The following ARHGEF17 variants were observed in gnomAD, a reference collection of about 807,000 sequenced individuals.
ARHGEF17 encodes the protein Rho guanine nucleotide exchange factor 17, also known as 164 kDa Rho-specific guanine-nucleotide exchange factor.
In ARHGEF17, 80 loss-of-function variants were observed where a neutral mutation model predicts 174.0. The ratio of observed to expected loss-of-function variants is 0.46; its 90% CI spans 0.38 to 0.55. ARHGEF17 has a LOEUF of 0.55. Among genes scored for constraint, ARHGEF17 ranks in the 20% least tolerant of loss-of-function variants. The pLI is 0.00. For synonymous variants in ARHGEF17, 1,311 were observed against 1,189.1 expected, an observed-to-expected ratio of 1.10 and a Z score of -2.11; for missense variants, 2,886 against 2,839.7, an observed-to-expected ratio of 1.02 and a Z score of -0.37.
intron 1 of ARHGEF17, among the ~76,000 whole-genome samples, chr11:73,342,194 G>A (rs1022011734): frequency 6.6e-6 from 1 of 151,376 alleles, no homozygotes; most frequent in South Asian, 2.1e-4. Flanking sequence ...CAGTCTAGGA[G>A]TGGGAGCACA....
At chr11:73,333,331 G>A (rs1301612577) in intron 1 of ARHGEF17, among the ~76,000 whole-genome samples, 1 of 152,250 alleles carries the variant, frequency 6.6e-6, no homozygotes, top group Non-Finnish European at 1.5e-5. Context: ...CTGACCTTCA[G>A]CTGTGAATCT....
At position 73,309,935 on chromosome 11, in the gene ARHGEF17, C is replaced by G. The variant is rs1565183569; in HGVS notation, c.1297C>G (p.Arg433Gly). ...GGAAGGGCTCCTGCGGTCCCAGGCT[C>G]GAACCCGTGCCAAAGGACCTGGAGG... The part of the protein sequence containing the change: ...AGEGLLRSQA[R>G]TRAKGPGGTS... The change falls in exon 1 of 21, where the codon CGA becomes GGA. Residue 433 changes from arginine to glycine, a missense_variant. Physicochemically the swap from Arg to Gly is moderately radical, Grantham distance 125. Transcript: ENST00000263674. 6.2e-7 allele frequency: 1 copy of G among 1,613,542 alleles called. No homozygotes were observed. The highest frequency in any genetic ancestry group is 8.5e-7 in the Non-Finnish European group (1 of 1,179,882).
chr11:73,360,213 C>T (rs1305504502), intron 10 of ARHGEF17, 107 bp from the exon 11 acceptor site: 2 of 1,271,480 alleles, frequency 1.6e-6, no homozygotes, highest in Non-Finnish European at 2.2e-6. Context: ...AGGGAGGAGA[C>T]AGTCTCACTT....
rs577835041 is a variant in ARHGEF17 at position 73,310,146 on chromosome 11, A to T, written c.1508A>T (p.Asp503Val). The change falls in exon 1 of 21, where the codon GAT (aspartate) becomes GTT (valine). Residue 503 changes from aspartate to valine, a missense_variant. Transcript: ENST00000263674. ...SSGDRGSNPLDGRDSPSAGGP... is the reference protein window; with the variant it reads ...SSGDRGSNPLVGRDSPSAGGP... ...GGGGACCGTGGAAGCAACCCCCTAG[A>T]TGGCAGAGACTCACCATCCGCAGGT... The T allele has an allele frequency of 2.5e-6, 4 of 1,613,968 alleles. No individual in the cohort carries two copies. The East Asian group carries it at 8.9e-5, about 36-fold the overall frequency.
chr11:73,318,516 G>A (rs1452191185), intron 1 of ARHGEF17, among the ~76,000 whole-genome samples: 5 of 152,148 alleles, frequency 3.3e-5, no homozygotes, highest in African/African-American at 4.8e-5. Context: ...CTGTGGTCCC[G>A]CTACTCGAGA....
At chr11:73,356,595 T>G in intron 6 of ARHGEF17, 114 bp from the exon 7 acceptor site, 1 of 1,371,576 alleles carries the variant, frequency 7.3e-7, no homozygotes, top group Non-Finnish European at 1.0e-6. Flanking sequence ...GTGGGAAGCA[T>G]GCTGCTTCCA....
At chr11:73,335,806 A>G (rs1266940073) in intron 1 of ARHGEF17, among the ~76,000 whole-genome samples, 1 of 152,022 alleles carries the variant, frequency 6.6e-6, no homozygotes, top group Non-Finnish European at 1.5e-5. Flanking sequence ...CTGGTGGGGA[A>G]TTTAGAATCC....
Position 73,363,200 on chromosome 11 carries a change from C to T in ARHGEF17, c.4997-6C>T, listed in dbSNP as rs993810573. 7.1e-6 allele frequency: 11 copies of T among 1,543,772 alleles called. No homozygotes were observed. Among genetic ancestry groups the T allele is most frequent in the Non-Finnish European group, 9.6e-6 (11 of 1,143,568 alleles). ...AAATGGAGACAGAGACCTTTGTCTC[C>T]CTCAGATGAGGAGACCCCGAGTTCC... On this transcript the variant is annotated splice_region_variant and splice_polypyrimidine_tract_variant and intron_variant, in intron 14 of 20. Transcript: ENST00000263674.
chr11:73,358,247 A>C (rs768538104), intron 9 of ARHGEF17, among the ~76,000 whole-genome samples: 21 of 152,122 alleles, frequency 1.4e-4, no homozygotes, highest in Non-Finnish European at 2.9e-4. Flanking sequence ...ATTTATAAAC[A>C]AGAGGAATGT....
intron 14 of ARHGEF17, 35 bp downstream of exon 14, chr11:73,362,769 G>A (rs1411155580): frequency 6.3e-7 from 1 of 1,579,462 alleles, no homozygotes; most frequent in Non-Finnish European, 8.6e-7. Flanking sequence ...CTTGGCCTTG[G>A]CAGGCAGGGT....
chr11:73,331,158 C>T (rs980525556), intron 1 of ARHGEF17, among the ~76,000 whole-genome samples: 8 of 152,190 alleles, frequency 5.3e-5, no homozygotes, highest in African/African-American at 1.7e-4. Context: ...CCTGCCACTA[C>T]CCTGGACTTG....
intron 1 of ARHGEF17, among the ~76,000 whole-genome samples, chr11:73,344,515 G>A (rs888072513): frequency 2.8e-4 from 42 of 152,334 alleles, no homozygotes; most frequent in African/African-American, 8.9e-4. Context: ...GGTGCCCGCT[G>A]GGCCTGATGG....
chr11:73,352,811 G>A lies in ARHGEF17; in HGVS notation c.3271-19G>A, dbSNP rs773659399. 6.9e-5 allele frequency: 112 copies of A among 1,613,242 alleles called. No individual in the cohort carries two copies. The highest frequency in any genetic ancestry group is 9.2e-5 in the Non-Finnish European group (109 of 1,179,892). Reference sequence around the variant, plus strand: ...CGGCATCTCTGAGGGAGTGTGCACCGACCCTGTGGGTCCTTCAGGGCTACA... The same window carrying A: ...CGGCATCTCTGAGGGAGTGTGCACCAACCCTGTGGGTCCTTCAGGGCTACA... On this transcript the variant is annotated intron_variant, in intron 2 of 20. Transcript: ENST00000263674.
chr11:73,308,932 C>T lies in ARHGEF17; in HGVS notation c.294C>T (p.Ser98=), dbSNP rs780832497. Residue 98 remains serine, a synonymous_variant, in exon 1 of 21, where the codon TCC becomes TCT. Transcript: ENST00000263674. The part of the protein sequence containing the change: ...RFDAPRLDDG[S]AGTRDGGVLP... ...ACGCGCCGCGTCTGGACGACGGCTCCGCTGGGACCCGAGACGGAGGCGTCT... is the reference window on the plus strand; with the variant it reads ...ACGCGCCGCGTCTGGACGACGGCTCTGCTGGGACCCGAGACGGAGGCGTCT... The T allele has an allele frequency of 3.7e-6, 5 of 1,361,884 alleles. No homozygotes were observed. The South Asian group carries it at 7.0e-5, about 19-fold the overall frequency. 84.4% of individuals were successfully genotyped at this position (1,361,884 alleles called of 1,614,324 possible).
intron 1 of ARHGEF17, among the ~76,000 whole-genome samples, chr11:73,321,130 C>T (rs1266147811): frequency 6.6e-6 from 1 of 152,240 alleles, no homozygotes; most frequent in Admixed American, 6.5e-5. Flanking sequence ...AAGCTCTAGA[C>T]AGGAAGGCAG....
In ARHGEF17 at chr11:73,365,957, T is replaced by C. The variant is rs752567104; in HGVS notation, c.5995+10T>C. ...CCTCCCCCAGACACAGGTGGGTCAG[T>C]GCATCATACCCCAAGCTAGGGATCA... On this transcript the variant is annotated intron_variant, in intron 20 of 20. Transcript: ENST00000263674. The surrounding 1 kb of genome is among the most constrained non-coding windows in gnomAD (Gnocchi z 4.9). 21 of 1,595,104 alleles carry C rather than the reference T, an allele frequency of 1.3e-5. No individual in the cohort carries two copies. Among genetic ancestry groups the C allele is most frequent in the Non-Finnish European group, 1.7e-5 (20 of 1,174,958 alleles).
rs377581941 is a variant in ARHGEF17 at position 73,365,342 on chromosome 11, A to C, written c.5551-48A>C. 3.1e-6 allele frequency: 5 copies of C among 1,605,108 alleles called. No individual in the cohort carries two copies. In the African/African-American group the frequency reaches 4.0e-5, roughly 13 times the overall value. ...TGAAGCTCCAGGCTAGGGTGGGCCA[A>C]GGGAGGCAGGCCTGCCAATGACCCA... On this transcript the variant is annotated intron_variant, in intron 18 of 20. Coordinates refer to ENST00000263674, the MANE Select transcript of ARHGEF17 (RefSeq NM_014786.4). The surrounding 1 kb of genome is among the most constrained non-coding windows in gnomAD (Gnocchi z 4.9).
chr11:73,355,027 G>C (rs1226507908), intron 3 of ARHGEF17, among the ~76,000 whole-genome samples: 1 of 152,258 alleles, frequency 6.6e-6, no homozygotes, highest in Non-Finnish European at 1.5e-5. Flanking sequence ...GCTCTAGTCA[G>C]GGAAAGGAGT....
At chr11:73,363,094 C>A in intron 14 of ARHGEF17, 112 bp from the exon 15 acceptor site, 1 of 1,393,406 alleles carries the variant, frequency 7.2e-7, no homozygotes, top group Non-Finnish European at 9.5e-7. Context: ...GGAAGAACAG[C>A]TTTGAGAGGC....
Sources: allele counts gnomAD v4.1 joint callset (sites outside exome capture counted in the v4.1 genomes callset), GRCh38; gene constraint gnomAD v4.1.1; non-coding constraint Gnocchi (gnomAD v3.1); transcripts MANE v1.5; gene names NCBI Gene and HGNC (gene_info 2026-07-23, HGNC 2026-07-21).